Variants in MEMO1 observed in about 807,000 individuals in gnomAD.
MEMO1 encodes the protein protein MEMO1.
In MEMO1, 6 loss-of-function variants were observed where a neutral mutation model predicts 45.2. The observed-to-expected ratio is 0.13, with a 90% CI of 0.07 to 0.26. The LOEUF is 0.26. Ranked by LOEUF, MEMO1 falls within the 10% of genes least tolerant of loss-of-function variation. The pLI is 1.00. For missense variants in MEMO1, 184 were observed against 370.5 expected, an observed-to-expected ratio of 0.50 and a Z score of 4.13; for synonymous variants, 78 against 124.3, an observed-to-expected ratio of 0.63 and a Z score of 2.48.
intron 3 of MEMO1, among the ~76,000 whole-genome samples, chr2:31,933,340 AAAAAAAAAATTTAT>A (rs1664452682): frequency 7.0e-5 from 4 of 57,500 alleles, no homozygotes; most frequent in Admixed American, 2.7e-4. Context: ...AAAAAAAAAA[AAAAAAAAAATTTAT>A]ATATATATAT....
intron 5 of MEMO1, 101 bp from the exon 6 acceptor site, chr2:31,918,138 A>G: frequency 1.7e-6 from 1 of 591,978 alleles, no homozygotes; most frequent in South Asian, 3.7e-5. Context: ...TTTTGGCAAG[A>G]GACAGAAACA....
chr2:31,871,572 C>T (rs1306478836), intron 8 of MEMO1, among the ~76,000 whole-genome samples: 1 of 151,680 alleles, frequency 6.6e-6, no homozygotes, highest in East Asian at 2.0e-4. Context: ...CTTTGAATTG[C>T]TTGCACATCA....
chr2:31,966,191 G>A (rs773856222), intron 2 of MEMO1, among the ~76,000 whole-genome samples: 3 of 152,204 alleles, frequency 2.0e-5, no homozygotes, highest in African/African-American at 4.8e-5. Flanking sequence ...TGCAGTTAGC[G>A]CCTCTTTCCA....
intron 6 of MEMO1, among the ~76,000 whole-genome samples, chr2:31,908,274 G>A (rs1160031470): frequency 6.6e-6 from 1 of 152,096 alleles, no homozygotes; most frequent in African/African-American, 2.4e-5. Context: ...AGAATGCACT[G>A]AATCTTCCTT....
At chr2:31,992,504 C>T (rs1318762995) in intron 2 of MEMO1, among the ~76,000 whole-genome samples, 3 of 152,168 alleles carry the variant, frequency 2.0e-5, no homozygotes, top group Admixed American at 6.5e-5. Flanking sequence ...AATTAATGGG[C>T]GGGGCACAGT....
At chr2:31,942,616 G>A (rs1463863696) in intron 3 of MEMO1, among the ~76,000 whole-genome samples, 3 of 151,548 alleles carry the variant, frequency 2.0e-5, no homozygotes, top group African/African-American at 2.4e-5. Flanking sequence ...AGCGACCCCC[G>A]ACGTCAGAAC....
At chr2:31,928,353 G>A (rs1195864469) in intron 4 of MEMO1, among the ~76,000 whole-genome samples, 1 of 152,144 alleles carries the variant, frequency 6.6e-6, no homozygotes, top group Non-Finnish European at 1.5e-5. Flanking sequence ...GACCAGCCTA[G>A]CCAACATGGT....
chr2:31,909,515 C>T (rs190901193), intron 6 of MEMO1, among the ~76,000 whole-genome samples: 81 of 152,044 alleles, frequency 5.3e-4, no homozygotes, highest in African/African-American at 1.9e-3. Flanking sequence ...ACAATAACTA[C>T]CAAAAACAAA....
intron 8 of MEMO1, 72 bp from the exon 9 acceptor site, chr2:31,870,024 A>G: frequency 8.7e-7 from 1 of 1,146,318 alleles, no homozygotes; most frequent in Non-Finnish European, 1.2e-6. Context: ...TCCTAATTAT[A>G]TTTTAAAACT....
rs775530942 is a variant in MEMO1 at position 31,920,841 on chromosome 2, A to G, written c.282T>C (p.Asp94=). 6.2e-7 allele frequency: 1 copy of G among 1,611,848 alleles called. No individual in the cohort carries two copies. The highest frequency in any genetic ancestry group is 1.1e-5 in the South Asian group (1 of 90,932). Residue 94 remains aspartate (D), a synonymous_variant, in exon 5 of 10, where the codon GAT becomes GAC. Transcript: ENST00000404530. ...GGTCATACAGAGGTGTCCTATATATATCCACACTGGAAAGTGCACATCGAG... is the reference window on the plus strand; with the variant it reads ...GGTCATACAGAGGTGTCCTATATATGTCCACACTGGAAAGTGCACATCGAG... ...PLSRCALSSV[D]IYRTPLYDLR...
At chr2:31,928,278 C>A (rs1438247327) in intron 4 of MEMO1, among the ~76,000 whole-genome samples, 1 of 152,210 alleles carries the variant, frequency 6.6e-6, no homozygotes, top group Non-Finnish European at 1.5e-5. Flanking sequence ...AACAGCGGCT[C>A]ATGCCTGTAA....
At chr2:31,969,574 GGTGT>G (rs1217308309) in intron 2 of MEMO1, among the ~76,000 whole-genome samples, 1 of 110,706 alleles carries the variant, frequency 9.0e-6, no homozygotes, top group Non-Finnish European at 1.8e-5. Flanking sequence ...CTTTTCTGGG[GGTGT>G]GTGTGTGGGT....
chr2:31,896,504 T>C (rs940052098), intron 6 of MEMO1, among the ~76,000 whole-genome samples: 13 of 152,194 alleles, frequency 8.5e-5, no homozygotes, highest in Non-Finnish European at 1.8e-4. Flanking sequence ...AAATAAAACT[T>C]TATTTACAAA....
At chr2:31,971,207 G>C (rs1490095889) in intron 2 of MEMO1, among the ~76,000 whole-genome samples, 2 of 152,024 alleles carry the variant, frequency 1.3e-5, no homozygotes, top group African/African-American at 4.8e-5. Context: ...TCTTTCTTAG[G>C]CATAAACCTA....
At chr2:32,008,129 G>C (rs537410311) in intron 2 of MEMO1, among the ~76,000 whole-genome samples, 57 of 152,318 alleles carry the variant, frequency 3.7e-4, no homozygotes, top group African/African-American at 1.4e-3. Flanking sequence ...AGAATGTTTT[G>C]AGCTGGATTA....
chr2:31,974,090 G>T (rs779233438), intron 2 of MEMO1, among the ~76,000 whole-genome samples: 1 of 151,868 alleles, frequency 6.6e-6, no homozygotes, highest in Non-Finnish European at 1.5e-5. Flanking sequence ...TTTCTCGCTC[G>T]CTCCCTCCCT....
intron 4 of MEMO1, among the ~76,000 whole-genome samples, chr2:31,925,403 G>C (rs949039260): frequency 5.5e-5 from 8 of 146,062 alleles, no homozygotes; most frequent in Non-Finnish European, 7.5e-5. Flanking sequence ...TTGAACCCGG[G>C]AGGCAGAGGT....
At chr2:31,998,019 T>A (rs1672807612) in intron 2 of MEMO1, among the ~76,000 whole-genome samples, 2 of 151,930 alleles carry the variant, frequency 1.3e-5, no homozygotes, top group South Asian at 4.2e-4. Flanking sequence ...AACTTAAAGC[T>A]TTTTTTTGAG....
intron 2 of MEMO1, among the ~76,000 whole-genome samples, chr2:32,001,459 G>C (rs182007899): frequency 1.4e-4 from 21 of 152,102 alleles, no homozygotes; most frequent in Admixed American, 1.4e-3. Flanking sequence ...TTCGTTTTTA[G>C]TTATGTTTAT....
Sources: gnomAD v4.1 joint callset for allele counts (sites outside exome capture counted in the v4.1 genomes callset) on GRCh38, gnomAD v4.1.1 for gene constraint, MANE v1.5 for transcripts, NCBI Gene and HGNC (gene_info 2026-07-23, HGNC 2026-07-21) for gene names.